The following N4BP2 variants were observed in gnomAD, a reference collection of about 807,000 sequenced individuals.
N4BP2 encodes the protein NEDD4-binding protein 2.
N4BP2 carries 91 observed loss-of-function variants against 152.8 expected under a neutral mutation model. The ratio of observed to expected loss-of-function variants is 0.60; its 90% CI spans 0.50 to 0.71. The LOEUF (loss-of-function observed/expected upper bound fraction) is 0.71, where lower values mean the gene tolerates loss of function less well. Ranked by LOEUF, N4BP2 falls within the 30% of genes least tolerant of loss-of-function variation. The probability of loss-of-function intolerance (pLI) is 0.00; values close to 1 mark genes in which losing one functional copy is unlikely to be tolerated. For missense variants in N4BP2, 1,923 were observed against 2,059.1 expected (o/e 0.93, Z 1.28); for synonymous variants, 646 against 705.3 (o/e 0.92, Z 1.33).
At chr4:40,132,076 C>G (rs913109725) in intron 13 of N4BP2, among the ~76,000 whole-genome samples, 157 bp downstream of exon 13, 43 of 152,076 alleles carry the variant, frequency 2.8e-4, no homozygotes, top group African/African-American at 9.9e-4. Flanking sequence ...CATGAAACCA[C>G]GAATATAGCT....
rs1718931139 is a variant in N4BP2, at chr4:40,131,835, C to T, written c.4562C>T (p.Ala1521Val). ...ACCCTTATGTTTGAAAAAGATTGTG[C>T]CACTAAACTAAAGGAGAAGCAGCTC... ...RETLMFEKDC[A>V]TKLKEKQLFK... The change falls in exon 13 of 18, where the codon GCC (alanine) becomes GTC (valine). Residue 1521 changes from alanine (A) to valine (V), a missense_variant. Transcript: ENST00000261435. The T allele has an allele frequency of 2.5e-6, 4 of 1,613,168 alleles. No individual in the cohort carries two copies. The highest frequency in any genetic ancestry group is 1.3e-5 in the African/African-American group (1 of 74,946).
At chr4:40,183,800 A>G in the N4BP2 span, among the ~76,000 whole-genome samples, 1 of 152,220 alleles carries the variant, frequency 6.6e-6, no homozygotes, top group Non-Finnish European at 1.5e-5. Context: ...GTGAGTCAAC[A>G]ATGCCAGGCT....
intron 7 of N4BP2, among the ~76,000 whole-genome samples, chr4:40,115,869 C>T (rs1717295337): frequency 6.6e-6 from 1 of 152,072 alleles, no homozygotes; most frequent in Admixed American, 6.5e-5. Context: ...TTACTCATAT[C>T]TCCTGTATTT....
intron 7 of N4BP2, among the ~76,000 whole-genome samples, chr4:40,114,220 A>G (rs1278112008): frequency 6.6e-6 from 1 of 151,872 alleles, no homozygotes; most frequent in Non-Finnish European, 1.5e-5. Flanking sequence ...CCCTAACTTC[A>G]TTTTGGTTAG....
chr4:40,081,752 G>A (rs1248302662), intron 2 of N4BP2, among the ~76,000 whole-genome samples: 2 of 152,042 alleles, frequency 1.3e-5, no homozygotes, highest in African/African-American at 4.8e-5. Context: ...GAGACGGGTG[G>A]ATTACCTGAG....
In N4BP2 at chr4:40,156,912, C is replaced by T. The variant is rs1200696653; in HGVS notation, c.*2675C>T. 2 of 152,102 alleles carry T rather than the reference C, an allele frequency of 1.3e-5. No individual in the cohort carries two copies. Among genetic ancestry groups the T allele is most frequent in the African/African-American group, 4.8e-5 (2 of 41,416 alleles). The allele number at this position is 152,102 out of a possible 1,614,324, so 9.4% of individuals were successfully genotyped here. On this transcript the variant is annotated 3_prime_UTR_variant, in exon 18 of 18. Transcript: ENST00000261435. The stretch of plus-strand genomic sequence containing the variant: ...CCCAGCAATCCAAAACACTTCTGGT[C>T]CTAAGCATTTTGAGTAGGGGATACT...
At chr4:40,132,059 G>A in intron 13 of N4BP2, 140 bp downstream of exon 13, 1 of 640,998 alleles carries the variant, frequency 1.6e-6, no homozygotes, top group Non-Finnish European at 2.8e-6. Context: ...AAGACCCACA[G>A]TGGGTGCATG....
intron 1 of N4BP2, among the ~76,000 whole-genome samples, chr4:40,068,457 T>C (rs1560568687): frequency 1.3e-5 from 2 of 152,246 alleles, no homozygotes; most frequent in East Asian, 3.8e-4. Context: ...GTCTTAGATT[T>C]AGGTCTTTAG....
chr4:40,124,034 TTGAG>T (rs1402242025), intron 10 of N4BP2, 122 bp from the exon 11 acceptor site: 26 of 569,914 alleles, frequency 4.6e-5, no homozygotes, highest in African/African-American at 9.5e-5. Context: ...TTTACTTAGA[TTGAG>T]TAAGAATGGT....
chr4:40,171,772 G>C, the N4BP2 span, among the ~76,000 whole-genome samples: 2 of 152,190 alleles, frequency 1.3e-5, no homozygotes, highest in Non-Finnish European at 2.9e-5. Flanking sequence ...AACCTCAAAA[G>C]TGGGGAAGCT....
At chr4:40,083,988 T>C (rs1713667003) in intron 2 of N4BP2, among the ~76,000 whole-genome samples, 1 of 152,260 alleles carries the variant, frequency 6.6e-6, no homozygotes, top group African/African-American at 2.4e-5. Context: ...AGACGGGGTC[T>C]CACTCTGTCA....
In N4BP2 at chr4:40,154,967, C is replaced by G. The variant is rs1022168431; in HGVS notation, c.*730C>G. On this transcript the variant is annotated 3_prime_UTR_variant, in exon 18 of 18. Transcript: ENST00000261435. ...TATCTTCCAGATGTTGCTGCCTTATCGAAATGCTTCTAGAACTGTCTGTAT... is the reference window on the plus strand; with the variant it reads ...TATCTTCCAGATGTTGCTGCCTTATGGAAATGCTTCTAGAACTGTCTGTAT... The G allele has an allele frequency of 1.3e-5, 2 of 152,108 alleles. No individual in the cohort carries two copies. The highest frequency in any genetic ancestry group is 1.3e-4 in the Admixed American group (2 of 15,274). The allele number at this position is 152,108 out of a possible 1,614,324, so 9.4% of individuals were successfully genotyped here.
intron 1 of N4BP2, among the ~76,000 whole-genome samples, chr4:40,066,519 T>C (rs768435539): frequency 2.1e-4 from 32 of 151,630 alleles, no homozygotes; most frequent in Non-Finnish European, 3.4e-4. Flanking sequence ...GAGGTTACAC[T>C]ATGTTGGCCA....
chr4:40,134,432 T>A (rs1275285381), intron 13 of N4BP2, among the ~76,000 whole-genome samples: 2 of 152,108 alleles, frequency 1.3e-5, no homozygotes, highest in Non-Finnish European at 2.9e-5. Context: ...AGGGCCCTCA[T>A]GTTAGGTGGC....
intron 13 of N4BP2, among the ~76,000 whole-genome samples, chr4:40,136,495 G>A (rs13105086): frequency 0.19 from 28,241 of 151,850 alleles, 3,154 homozygotes; most frequent in Admixed American, 0.26. Context: ...AGCGATTCTC[G>A]TGCCTCTCAG....
At chr4:40,094,037 A>G (rs2109946208) in intron 2 of N4BP2, among the ~76,000 whole-genome samples, 1 of 152,312 alleles carries the variant, frequency 6.6e-6, no homozygotes, top group Middle Eastern at 3.4e-3. Context: ...GAGCCACCAC[A>G]CCTGGCCTAC....
intron 13 of N4BP2, among the ~76,000 whole-genome samples, chr4:40,135,222 G>A (rs1233717248): frequency 1.3e-5 from 2 of 150,902 alleles, no homozygotes; most frequent in Non-Finnish European, 2.9e-5. Context: ...TCTTGCGATA[G>A]TTTACTGAGA....
intron 14 of N4BP2, among the ~76,000 whole-genome samples, chr4:40,137,936 G>T (rs1282552022): frequency 1.3e-5 from 2 of 152,298 alleles, no homozygotes; most frequent in South Asian, 4.1e-4. Context: ...GAGGAAGTTG[G>T]AGGCATAGTT....
chr4:40,103,953 A>C (rs2109965214), intron 4 of N4BP2, among the ~76,000 whole-genome samples: 2 of 152,040 alleles, frequency 1.3e-5, no homozygotes, highest in Middle Eastern at 6.8e-3. Context: ...TCTATTTTAT[A>C]TGCTAGTTCT....
Sources: gnomAD v4.1 joint callset for allele counts (sites outside exome capture counted in the v4.1 genomes callset) on GRCh38, gnomAD v4.1.1 for gene constraint, MANE v1.5 for transcripts, NCBI Gene and HGNC (gene_info 2026-07-23, HGNC 2026-07-21) for gene names.